The following PHACTR2 variants were observed in gnomAD, a reference collection of about 807,000 sequenced individuals.
The protein encoded by PHACTR2 is chromosome 6 open reading frame 56.
A neutral mutation model predicts 76.0 loss-of-function variants in PHACTR2; 30 were observed. The observed-to-expected ratio is 0.39, with a 90% CI of 0.30 to 0.54. The LOEUF (loss-of-function observed/expected upper bound fraction) is 0.54. PHACTR2 is among the 20% of genes least tolerant of loss of function. The pLI, the probability that PHACTR2 is intolerant of heterozygous loss-of-function variation, is 0.61. For synonymous variants in PHACTR2, 292 were observed against 292.5 expected, an observed-to-expected ratio of 1.00 and a Z score of 0.02; for missense variants, 696 against 781.1, an observed-to-expected ratio of 0.89 and a Z score of 1.30.
chr6:143,572,768 G>C (rs1343554020), intron 1 of PHACTR2, among the ~76,000 whole-genome samples: 2 of 152,114 alleles, frequency 1.3e-5, no homozygotes, highest in African/African-American at 2.4e-5. Context: ...GGCCAGGCTG[G>C]TCTCAAACTC....
At chr6:143,649,165 G>A (rs904461588) in intron 1 of PHACTR2, among the ~76,000 whole-genome samples, 9 of 152,144 alleles carry the variant, frequency 5.9e-5, no homozygotes, top group Non-Finnish European at 1.2e-4. Flanking sequence ...TCCTCTGAAA[G>A]GGATGCCACA....
chr6:143,760,564 A>C lies in PHACTR2; in HGVS notation c.618A>C (p.Lys206Asn), dbSNP rs1163223783. The C allele has an allele frequency of 6.2e-7, 1 of 1,613,924 alleles. No individual in the cohort carries two copies. The change falls in exon 5 of 13, where the codon AAA becomes AAC. Residue 206 changes from lysine to asparagine, a missense_variant. By Grantham distance (94) the Lys-to-Asn change is moderately conservative (BLOSUM62 0). Coordinates refer to ENST00000440869, the MANE Select transcript of PHACTR2 (RefSeq NM_001100164.2). The surrounding 1 kb of genome is among the most constrained non-coding windows in gnomAD (Gnocchi z 6.4). ...GTGATGAAGTGCCTCCCATTAAAAA[A>C]AATACCAAGGCTCCTGGTAAGCAGG... is the stretch of plus-strand genomic sequence containing the variant. ...HKGDEVPPIKKNTKAPGKQAP... is the reference protein window; with the variant it reads ...HKGDEVPPIKNNTKAPGKQAP...
intron 12 of PHACTR2, among the ~76,000 whole-genome samples, chr6:143,810,406 G>A (rs1776150693): frequency 6.6e-6 from 1 of 152,104 alleles, no homozygotes; most frequent in Non-Finnish European, 1.5e-5. Context: ...AGAGCACTTA[G>A]TTTACAGATC....
Position 143,664,705 on chromosome 6 carries a change from A to G in PHACTR2, c.14-47311A>G, listed in dbSNP as rs1340964543. Among the ~76,000 whole-genome samples, 2 of 152,224 alleles carry G rather than the reference A, an allele frequency of 1.3e-5. No homozygotes were observed. Among genetic ancestry groups the G allele is most frequent in the East Asian group, 3.8e-4 (2 of 5,204 alleles). On this transcript the variant is annotated intron_variant, in intron 1 of 11. Coordinates refer to the PHACTR2 transcript ENST00000305766. This position sits in a 1 kb window ranked among gnomAD's most constrained non-coding sequence, Gnocchi z 5.1. The stretch of plus-strand genomic sequence containing the variant: ...ATTTGCAGAGCCGATAGTTTATTAA[A>G]TTCACCATCATGTCCTCACTTTCTG...
chr6:143,777,422 C>T lies in PHACTR2; in HGVS notation c.1645+39C>T, dbSNP rs139925522. 1.7e-5 allele frequency: 18 copies of T among 1,083,852 alleles called. No homozygotes were observed. Among genetic ancestry groups the T allele is most frequent in the Non-Finnish European group, 2.3e-5 (17 of 732,214 alleles). 67.1% of individuals were successfully genotyped at this position (1,083,852 alleles called of 1,614,324 possible). On this transcript the variant is annotated intron_variant, in intron 9 of 12. Coordinates refer to ENST00000440869, the MANE Select transcript of PHACTR2 (RefSeq NM_001100164.2). This position sits in a 1 kb window ranked among gnomAD's most constrained non-coding sequence, Gnocchi z 4.6. ...ACTATAGAATGATTCCTTGTGTAAT[C>T]GCTAACAAGCTGCCTCTACAGATGA...
In PHACTR2 at chr6:143,827,191, T is replaced by C. The variant is rs1776561934; in HGVS notation, c.*3502T>C. The C allele has an allele frequency of 7.8e-6, 1 of 127,668 alleles. No individual in the cohort carries two copies. Among genetic ancestry groups the C allele is most frequent in the Non-Finnish European group, 1.7e-5 (1 of 59,382 alleles). The allele number at this position is 127,668 out of a possible 1,614,324, so 7.9% of individuals were successfully genotyped here. Reference sequence around the variant, plus strand: ...ATATATATATATATATATATATATATATATATATGTATATTATATATACAG... The same window carrying C: ...ATATATATATATATATATATATATACATATATATGTATATTATATATACAG... On this transcript the variant is annotated 3_prime_UTR_variant, in exon 13 of 13. Coordinates refer to ENST00000440869, the MANE Select transcript of PHACTR2 (RefSeq NM_001100164.2).
rs1775769400 is a variant in PHACTR2, at chr6:143,597,679, T to C, written c.217+60472T>C. ...TTCCATTTGTGTTCTAGCATAGAGG[T>C]TTTTAAAGTCTTTATTCAGCATTGA... On this transcript the variant is annotated intron_variant, in intron 1 of 11. Coordinates refer to the PHACTR2 transcript ENST00000367584. The surrounding 1 kb of genome is among the most constrained non-coding windows in gnomAD (Gnocchi z 5.7). Among the ~76,000 whole-genome samples the C allele has an allele frequency of 6.6e-6, 1 of 151,912 alleles. No individual in the cohort carries two copies. The highest frequency in any genetic ancestry group is 1.5e-5 in the Non-Finnish European group (1 of 67,974).
chr6:143,628,861 T>C (rs928385223), intron 1 of PHACTR2, among the ~76,000 whole-genome samples: 5 of 147,980 alleles, frequency 3.4e-5, no homozygotes, highest in Admixed American at 2.7e-4. Flanking sequence ...ACTAGGCTAA[T>C]ATTTTCATTA....
rs1244894769 is a variant in PHACTR2 at position 143,633,315 on chromosome 6, A to C, written c.13+24993A>C. On this transcript the variant is annotated intron_variant, in intron 1 of 11. Transcript: ENST00000305766. This position sits in a 1 kb window ranked among gnomAD's most constrained non-coding sequence, Gnocchi z 4.1. Reference sequence around the variant, plus strand: ...ATTTTGACCATTCTCAAAGATGAGTAGTGGCATCTTGTTGCTTCAATTTGC... The same window carrying C: ...ATTTTGACCATTCTCAAAGATGAGTCGTGGCATCTTGTTGCTTCAATTTGC... Among the ~76,000 whole-genome samples the C allele has an allele frequency of 1.3e-5, 2 of 152,204 alleles. No homozygotes were observed. Among genetic ancestry groups the C allele is most frequent in the Non-Finnish European group, 2.9e-5 (2 of 68,038 alleles).
At chr6:143,615,716 T>C (rs898334086) in intron 1 of PHACTR2, among the ~76,000 whole-genome samples, 1 of 152,212 alleles carries the variant, frequency 6.6e-6, no homozygotes, top group Non-Finnish European at 1.5e-5. Context: ...ATGTTTTTAA[T>C]GATATTTAAA....
At chr6:143,542,429 C>T (rs1781179838) in intron 1 of PHACTR2, among the ~76,000 whole-genome samples, 1 of 152,118 alleles carries the variant, frequency 6.6e-6, no homozygotes, top group Admixed American at 6.5e-5. Context: ...TCAGGAGGTC[C>T]TTATTAGGTC....
rs1316071481 is a variant in PHACTR2, at chr6:143,571,930, T to G, written c.217+34723T>G. On this transcript the variant is annotated intron_variant, in intron 1 of 11. Transcript: ENST00000367584. This position sits in a 1 kb window ranked among gnomAD's most constrained non-coding sequence, Gnocchi z 4.6. ...TGGGAGATCTCTATGTAGGAGATAT[T>G]AGATATTCTTCTACCATCTACAGAA... Among the ~76,000 whole-genome samples, 1 of 152,230 alleles carries G rather than the reference T, an allele frequency of 6.6e-6. No individual in the cohort carries two copies. Among genetic ancestry groups the G allele is most frequent in the East Asian group, 1.9e-4 (1 of 5,200 alleles).
chr6:143,816,978 A>C lies in PHACTR2; in HGVS notation c.1923-6696A>C, dbSNP rs758165482. On this transcript the variant is annotated intron_variant, in intron 12 of 12. Coordinates refer to ENST00000440869, the MANE Select transcript of PHACTR2 (RefSeq NM_001100164.2). The surrounding 1 kb of genome is among the most constrained non-coding windows in gnomAD (Gnocchi z 4.5). ...CTACTTGGGAGGCTGAGGCAGGAGA[A>C]TCTCTTGAATCCAGGAGGCAGGGTT... is the stretch of plus-strand genomic sequence containing the variant. Among the ~76,000 whole-genome samples, 10 of 152,274 alleles carry C rather than the reference A, an allele frequency of 6.6e-5. No homozygotes were observed. Among genetic ancestry groups the C allele is most frequent in the East Asian group, 1.9e-4 (1 of 5,166 alleles).
At chr6:143,640,952 G>A (rs1475808760) in intron 1 of PHACTR2, among the ~76,000 whole-genome samples, 2 of 152,150 alleles carry the variant, frequency 1.3e-5, no homozygotes, top group African/African-American at 2.4e-5. Flanking sequence ...GAGAAGGCAT[G>A]TGTCTTAGTC....
rs1781121739 is a variant in PHACTR2 at position 143,536,956 on chromosome 6, CCCA to C, written c.-32_-30del. The C allele has an allele frequency of 6.5e-6, 1 of 154,044 alleles. No homozygotes were observed. The highest frequency in any genetic ancestry group is 1.4e-5 in the Non-Finnish European group (1 of 70,078). The allele number at this position is 154,044 out of a possible 1,614,324, so 9.5% of individuals were successfully genotyped here. Reference sequence around the variant, plus strand: ...GGGCAGCGCAGCCCTCGGCGCCGGCCCCACCCGGTGCTCCGGCCCCGCCGCCGG... The same window carrying C: ...GGGCAGCGCAGCCCTCGGCGCCGGCCCCCGGTGCTCCGGCCCCGCCGCCGG... On this transcript the variant is annotated 5_prime_UTR_variant, in exon 1 of 12. Transcript: ENST00000367584. This position sits in a 1 kb window ranked among gnomAD's most constrained non-coding sequence, Gnocchi z 5.4.
At position 143,731,448 on chromosome 6, in the gene PHACTR2, C is replaced by T. The variant is rs111412914; in HGVS notation, c.215-17537C>T. 0.08 allele frequency among the ~76,000 whole-genome samples: 12,103 copies of T among 152,134 alleles called. 783 individuals are homozygous for T. Among genetic ancestry groups the T allele is most frequent in the African/African-American group, 0.17 (7,255 of 41,478 alleles). ...GATTATAGGCATGAGCCACCACGCC[C>T]GGCTAATTCTGTATTTTTAGTAGAG... On this transcript the variant is annotated intron_variant, in intron 2 of 12. Coordinates refer to ENST00000440869, the MANE Select transcript of PHACTR2 (RefSeq NM_001100164.2). The surrounding 1 kb of genome is among the most constrained non-coding windows in gnomAD (Gnocchi z 4.9).
Position 143,621,736 on chromosome 6 carries a change from T to C in PHACTR2, c.13+13414T>C, listed in dbSNP as rs1050856312. 1.3e-5 allele frequency among the ~76,000 whole-genome samples: 2 copies of C among 152,178 alleles called. No homozygotes were observed. Among genetic ancestry groups the C allele is most frequent in the Non-Finnish European group, 1.5e-5 (1 of 68,030 alleles). On this transcript the variant is annotated intron_variant, in intron 1 of 11. Coordinates refer to the PHACTR2 transcript ENST00000305766. This position sits in a 1 kb window ranked among gnomAD's most constrained non-coding sequence, Gnocchi z 4.1. Reference sequence around the variant, plus strand: ...AGTTTAGGGTTGATTGTACTTGGCTTGAGTAGTAAGTATTATGTAACATAG... The same window carrying C: ...AGTTTAGGGTTGATTGTACTTGGCTCGAGTAGTAAGTATTATGTAACATAG...
rs1319230730 is a variant in PHACTR2, at chr6:143,830,324, C to T, written c.*6635C>T. The T allele has an allele frequency of 5.8e-5, 8 of 137,062 alleles. No individual in the cohort carries two copies. Among genetic ancestry groups the T allele is most frequent in the African/African-American group, 2.2e-4 (8 of 36,908 alleles). The allele number at this position is 137,062 out of a possible 1,614,324, so 8.5% of individuals were successfully genotyped here. A position where few individuals can be genotyped will look rare whatever the true frequency, so the allele number is the denominator to read the frequency against. The stretch of plus-strand genomic sequence containing the variant: ...CTGTGTAACAGGGATTTTTAAATAA[C>T]GGACTATATGCATTCTTTTGTTATT... On this transcript the variant is annotated 3_prime_UTR_variant, in exon 13 of 13. Transcript: ENST00000440869.
Position 143,578,722 on chromosome 6 carries a change from G to A in PHACTR2, c.217+41515G>A, listed in dbSNP as rs190396249. Among the ~76,000 whole-genome samples, 449 of 152,170 alleles carry A rather than the reference G, an allele frequency of 3.0e-3. 6 individuals are homozygous for A. Among genetic ancestry groups the A allele is most frequent in the African/African-American group, 0.01 (427 of 41,504 alleles). On this transcript the variant is annotated intron_variant, in intron 1 of 11. Coordinates refer to the PHACTR2 transcript ENST00000367584. The surrounding 1 kb of genome is among the most constrained non-coding windows in gnomAD (Gnocchi z 4.5). The stretch of plus-strand genomic sequence containing the variant: ...GAGGATGAAGACGATTATAACAATG[G>A]AGAGGTAGATGATGAAGAAGATGAA...
Sources: gnomAD v4.1 joint callset for allele counts (sites outside exome capture counted in the v4.1 genomes callset) on GRCh38, gnomAD v4.1.1 for gene constraint, Gnocchi (gnomAD v3.1) non-coding constraint, MANE v1.5 for transcripts, NCBI Gene and HGNC (gene_info 2026-07-23, HGNC 2026-07-21) for gene names.